Variants in VPS13A observed in about 807,000 individuals in gnomAD.
VPS13A encodes intermembrane lipid transfer protein VPS13A.
A neutral mutation model predicts 390.9 loss-of-function variants in VPS13A; 264 were observed. That is an observed-to-expected ratio of 0.68 (90% CI 0.61 to 0.75). The LOEUF (loss-of-function observed/expected upper bound fraction) is 0.75. VPS13A is among the 30% of genes least tolerant of loss of function. The pLI, the probability that VPS13A is intolerant of heterozygous loss-of-function variation, is 0.00. For synonymous variants in VPS13A, 1,231 were observed against 1,227.1 expected, an observed-to-expected ratio of 1.00 and a Z score of -0.07; for missense variants, 3,409 against 3,733.9, an observed-to-expected ratio of 0.91 and a Z score of 2.27.
intron 68 of VPS13A, among the ~76,000 whole-genome samples, chr9:77,389,189 C>T (rs888882785): frequency 5.3e-5 from 8 of 151,862 alleles, no homozygotes; most frequent in East Asian, 1.9e-4. Context: ...TGTTTTACTA[C>T]GTATTTTTAT....
At chr9:77,357,869 G>C (rs750383308) in intron 56 of VPS13A, 31 bp downstream of exon 56, 23 of 1,530,138 alleles carry the variant, frequency 1.5e-5, no homozygotes, top group Admixed American at 1.7e-5. Context: ...AGGCAAAATT[G>C]TATTCTAAAG....
At chr9:77,275,338 A>G (rs975807134) in intron 24 of VPS13A, among the ~76,000 whole-genome samples, 160 bp from the exon 25 acceptor site, 1 of 152,178 alleles carries the variant, frequency 6.6e-6, no homozygotes, top group Non-Finnish European at 1.5e-5. Context: ...AAAAAAGTAC[A>G]GTAATGTCTA....
intron 68 of VPS13A, among the ~76,000 whole-genome samples, chr9:77,384,169 T>A (rs1039581687): frequency 6.6e-6 from 1 of 151,752 alleles, no homozygotes; most frequent in African/African-American, 2.4e-5. Context: ...TATTTTCTTA[T>A]TTTCTAAAAA....
At chr9:77,345,767 T>G (rs944063779) in intron 52 of VPS13A, among the ~76,000 whole-genome samples, 6 of 152,196 alleles carry the variant, frequency 3.9e-5, no homozygotes, top group Admixed American at 3.9e-4. Context: ...TATTTATCAT[T>G]GCACTTCCAC....
intron 54 of VPS13A, among the ~76,000 whole-genome samples, chr9:77,355,079 T>C (rs1831694603): frequency 6.6e-6 from 1 of 152,192 alleles, no homozygotes; most frequent in African/African-American, 2.4e-5. Context: ...CTTTCCTTGC[T>C]ACCTGTTGCT....
intron 23 of VPS13A, among the ~76,000 whole-genome samples, chr9:77,262,247 T>C (rs953135839): frequency 2.0e-5 from 3 of 152,106 alleles, no homozygotes; most frequent in African/African-American, 7.2e-5. Flanking sequence ...AATTTTTTTT[T>C]CCTTCATGAT....
At chr9:77,385,078 C>T (rs1833623286) in intron 68 of VPS13A, 13 of 994,344 alleles carry the variant, frequency 1.3e-5, no homozygotes, top group Non-Finnish European at 1.6e-5. Flanking sequence ...TGTAATGCCA[C>T]TGTGTAAAAA....
At chr9:77,397,330 T>A (rs181569600) in intron 68 of VPS13A, among the ~76,000 whole-genome samples, 98 of 152,194 alleles carry the variant, frequency 6.4e-4, no homozygotes, top group Admixed American at 1.0e-3. Flanking sequence ...TATTTTTTTT[T>A]AAACGTTCAT....
rs1402189467 is a variant in VPS13A at position 77,418,319 on chromosome 9, C to G, written c.*2313C>G. 6.6e-6 allele frequency: 1 copy of G among 152,140 alleles called. No individual in the cohort carries two copies. The highest frequency in any genetic ancestry group is 1.5e-5 in the Non-Finnish European group (1 of 68,032). 9.4% of individuals were successfully genotyped at this position (152,140 alleles called of 1,614,324 possible). A position where few individuals can be genotyped will look rare whatever the true frequency, so the allele number is the denominator to read the frequency against. ...TGCTAACTAACTATATTACTAGGCC[C>G]TTAATTCCAGCACAGCATGTCTTCT... On this transcript the variant is annotated 3_prime_UTR_variant, in exon 72 of 72. Coordinates refer to ENST00000360280, the MANE Select transcript of VPS13A (RefSeq NM_033305.3).
intron 68 of VPS13A, among the ~76,000 whole-genome samples, chr9:77,392,815 TA>T (rs34466446): frequency 2.0e-3 from 278 of 140,296 alleles, no homozygotes; most frequent in East Asian, 0.014. Flanking sequence ...ACATAATTGC[TA>T]AAAAAAAAAA....
At chr9:77,299,198 C>T (rs1436123730) in intron 33 of VPS13A, among the ~76,000 whole-genome samples, 3 of 152,086 alleles carry the variant, frequency 2.0e-5, no homozygotes, top group Non-Finnish European at 2.9e-5. Context: ...AGTGTGATGC[C>T]TCCAGCTTTG....
At position 77,333,110 on chromosome 9, in the gene VPS13A, T is replaced by C. The variant is rs561557362; in HGVS notation, c.6095+997T>C. 3.5e-4 allele frequency among the ~76,000 whole-genome samples: 53 copies of C among 152,326 alleles called. 1 individual carries two copies. The South Asian group carries it at 7.9e-3, about 23-fold the overall frequency. Reference sequence around the variant, plus strand: ...GAGGATTTGGGGTGGGTTACAAGACTAGATTAAATATGGCATGTAAGATAT... The same window carrying C: ...GAGGATTTGGGGTGGGTTACAAGACCAGATTAAATATGGCATGTAAGATAT... On this transcript the variant is annotated intron_variant, in intron 46 of 71. Coordinates refer to ENST00000360280, the MANE Select transcript of VPS13A (RefSeq NM_033305.3).
At chr9:77,347,478 C>G (rs11145393) in intron 52 of VPS13A, among the ~76,000 whole-genome samples, 21,784 of 151,696 alleles carry the variant, frequency 0.14, 1,829 homozygotes, top group African/African-American at 0.23. Context: ...GTAGATTTTT[C>G]TTTTTTGTTT....
chr9:77,347,296 A>G (rs963756803), intron 52 of VPS13A, among the ~76,000 whole-genome samples: 15 of 134,660 alleles, frequency 1.1e-4, no homozygotes, highest in Middle Eastern at 4.0e-3. Context: ...TTTTCATAAT[A>G]TTGAATCTAC....
intron 68 of VPS13A, chr9:77,382,318 T>C: frequency 1.3e-6 from 2 of 1,543,174 alleles, no homozygotes; most frequent in East Asian, 2.3e-5. Flanking sequence ...TGCATGACTT[T>C]GCAAGTGAAA....
At chr9:77,216,287 A>C (rs2131163911) in intron 10 of VPS13A, among the ~76,000 whole-genome samples, 1 of 152,318 alleles carries the variant, frequency 6.6e-6, no homozygotes, top group Middle Eastern at 3.4e-3. Flanking sequence ...AGAAGTAAAA[A>C]ATTGATAACT....
intron 3 of VPS13A, among the ~76,000 whole-genome samples, chr9:77,202,762 AATG>A (rs1589990123): frequency 6.6e-6 from 1 of 152,174 alleles, no homozygotes; most frequent in East Asian, 1.9e-4. Flanking sequence ...CTTGTTTAAA[AATG>A]ATAAGGTAAT....
At position 77,340,549 on chromosome 9, in the gene VPS13A, A is replaced by T; in HGVS notation, c.7025A>T (p.Gln2342Leu). The change falls in exon 50 of 72, where the codon CAG (glutamine) becomes CTG (leucine). Residue 2342 changes from glutamine to leucine, a missense_variant and splice_region_variant. Coordinates refer to ENST00000360280, the MANE Select transcript of VPS13A (RefSeq NM_033305.3). ...AAATGGCTCTCTCTTGATTTGGAGC[A>T]GGTGGGTAGATGAATTTCAAAAATA... Reference protein sequence around the residue: ...NDKWLSLDLEQCIPFWPEYAS... With the variant: ...NDKWLSLDLELCIPFWPEYAS... 6.2e-7 allele frequency: 1 copy of T among 1,612,294 alleles called. No individual in the cohort carries two copies. Among genetic ancestry groups the T allele is most frequent in the Non-Finnish European group, 8.5e-7 (1 of 1,179,610 alleles).
chr9:77,217,613 C>T (rs950238978), intron 10 of VPS13A, among the ~76,000 whole-genome samples: 2 of 152,138 alleles, frequency 1.3e-5, no homozygotes, highest in Non-Finnish European at 2.9e-5. Context: ...GCCTCCAGTT[C>T]CATCCATGTT....
Sources: allele counts gnomAD v4.1 joint callset (sites outside exome capture counted in the v4.1 genomes callset), GRCh38; gene constraint gnomAD v4.1.1; transcripts MANE v1.5; gene names NCBI Gene and HGNC (gene_info 2026-07-23, HGNC 2026-07-21).